Variants in PTGER3 observed in about 807,000 individuals in gnomAD.
PTGER3 encodes the protein prostaglandin E receptor 3, also known as prostaglandin E2 receptor EP3 subtype.
In PTGER3, 22 loss-of-function variants were observed where a neutral mutation model predicts 34.7. That is an observed-to-expected ratio of 0.63 (90% CI 0.45 to 0.91). The LOEUF is 0.91. Ranked by LOEUF, PTGER3 falls within the 40% of genes least tolerant of loss-of-function variation. PTGER3 has a pLI of 0.00. For missense variants in PTGER3, 468 were observed against 519.4 expected (o/e 0.90, Z 0.96); for synonymous variants, 241 against 230.1 (o/e 1.05, Z -0.43).
At chr1:70,925,315 T>C (rs982878048) in intron 4 of PTGER3, among the ~76,000 whole-genome samples, 2 of 152,204 alleles carry the variant, frequency 1.3e-5, no homozygotes, top group East Asian at 3.9e-4. Context: ...ACGCACTCAC[T>C]CTTAATATAA....
At chr1:71,025,631 G>A (rs1389034471) in intron 1 of PTGER3, among the ~76,000 whole-genome samples, 1 of 152,064 alleles carries the variant, frequency 6.6e-6, no homozygotes, top group Non-Finnish European at 1.5e-5. Flanking sequence ...AACTGAAGAC[G>A]AATAATAACA....
chr1:70,939,736 A>T (rs949520016), intron 4 of PTGER3, among the ~76,000 whole-genome samples: 4 of 152,210 alleles, frequency 2.6e-5, no homozygotes, highest in Non-Finnish European at 5.9e-5. Context: ...TGGCTGGGAC[A>T]CAGGACACCA....
At chr1:70,989,255 A>T (rs1401854652) in intron 2 of PTGER3, among the ~76,000 whole-genome samples, 1 of 152,174 alleles carries the variant, frequency 6.6e-6, no homozygotes, top group South Asian at 2.1e-4. Flanking sequence ...GGTTATAAGG[A>T]TAATGATAAC....
chr1:70,866,992 A>G (rs1646056304), intron 4 of PTGER3, among the ~76,000 whole-genome samples: 1 of 152,248 alleles, frequency 6.6e-6, no homozygotes, highest in African/African-American at 2.4e-5. Flanking sequence ...TGCTCAAAGC[A>G]TGTTATACAA....
intron 1 of PTGER3, among the ~76,000 whole-genome samples, chr1:71,036,107 C>G (rs1659795298): frequency 6.6e-6 from 1 of 152,162 alleles, no homozygotes; most frequent in Non-Finnish European, 1.5e-5. Flanking sequence ...ATTACTTATT[C>G]TGGTAAATTT....
At chr1:71,028,145 G>A (rs1437778947) in intron 1 of PTGER3, among the ~76,000 whole-genome samples, 1 of 152,114 alleles carries the variant, frequency 6.6e-6, no homozygotes, top group Non-Finnish European at 1.5e-5. Context: ...ATGTGCTTCA[G>A]GGCTGACCCC....
intron 2 of PTGER3, among the ~76,000 whole-genome samples, chr1:70,979,316 A>T (rs77047153): frequency 1.6e-4 from 24 of 151,956 alleles, no homozygotes; most frequent in Non-Finnish European, 2.9e-4. Context: ...AAAAAAAAAA[A>T]GCTGAGTGAA....
intron 4 of PTGER3, among the ~76,000 whole-genome samples, chr1:70,858,215 T>C (rs1447205242): frequency 6.6e-6 from 1 of 151,698 alleles, no homozygotes; most frequent in African/African-American, 2.4e-5. Flanking sequence ...TTTTTTTTTT[T>C]TTTGGTACAA....
intron 4 of PTGER3, among the ~76,000 whole-genome samples, chr1:70,907,105 A>C (rs1358004113): frequency 6.6e-6 from 1 of 152,190 alleles, no homozygotes; most frequent in African/African-American, 2.4e-5. Flanking sequence ...TAATGACCAA[A>C]TGTCACTCAC....
intron 1 of PTGER3, among the ~76,000 whole-genome samples, chr1:71,038,360 C>T (rs902359578): frequency 6.6e-6 from 1 of 152,114 alleles, no homozygotes; most frequent in African/African-American, 2.4e-5. Context: ...CCAACATGGC[C>T]TTTTGTTTTT....
chr1:71,011,698 T>C (rs1419375789), intron 2 of PTGER3: 1 of 974,998 alleles, frequency 1.0e-6, no homozygotes, highest in African/African-American at 1.8e-5. Flanking sequence ...ATTTGAATAA[T>C]GGTATCGATG....
At chr1:71,025,425 CATTT>C (rs1658840845) in intron 1 of PTGER3, among the ~76,000 whole-genome samples, 1 of 151,832 alleles carries the variant, frequency 6.6e-6, no homozygotes, top group South Asian at 2.1e-4. Context: ...TATCTAATAA[CATTT>C]ATTTAAAATA....
At chr1:70,993,400 GA>G (rs1332327026) in intron 2 of PTGER3, among the ~76,000 whole-genome samples, 1 of 152,196 alleles carries the variant, frequency 6.6e-6, no homozygotes, top group African/African-American at 2.4e-5. Flanking sequence ...AAAGCTAGAG[GA>G]ATCATGCTAT....
intron 4 of PTGER3, among the ~76,000 whole-genome samples, chr1:70,856,327 C>G (rs745448130): frequency 4.2e-4 from 64 of 151,260 alleles, no homozygotes; most frequent in Non-Finnish European, 7.4e-4. Flanking sequence ...GTAATCCCAG[C>G]TACTTGGGAG....
chr1:70,961,177 C>A (rs955060895), intron 2 of PTGER3, among the ~76,000 whole-genome samples: 1 of 152,236 alleles, frequency 6.6e-6, no homozygotes, highest in African/African-American at 2.4e-5. Flanking sequence ...TCCTCGGCCC[C>A]ATGCCAGACT....
intron 2 of PTGER3, among the ~76,000 whole-genome samples, chr1:70,981,832 G>C (rs921847178): frequency 6.6e-6 from 1 of 152,068 alleles, no homozygotes; most frequent in African/African-American, 2.4e-5. Context: ...TGATGAGTTT[G>C]GGTATCCAAC....
chr1:70,910,992 A>C (rs1330518060), intron 4 of PTGER3, among the ~76,000 whole-genome samples: 2 of 152,060 alleles, frequency 1.3e-5, no homozygotes, highest in African/African-American at 2.4e-5. Flanking sequence ...AGGGAGGAGA[A>C]TCGCTTGAAC....
chr1:70,907,039 C>A (rs1010208433), intron 4 of PTGER3, among the ~76,000 whole-genome samples: 10 of 152,236 alleles, frequency 6.6e-5, no homozygotes, highest in African/African-American at 2.4e-4. Context: ...CCTGTCTTAG[C>A]AAGTTGTATT....
At chr1:71,017,821 G>T (rs2100883343) in intron 1 of PTGER3, among the ~76,000 whole-genome samples, 1 of 152,288 alleles carries the variant, frequency 6.6e-6, no homozygotes, top group Non-Finnish European at 1.5e-5. Flanking sequence ...CTGGAATGCA[G>T]TGGTGCAATC....
Sources: allele counts gnomAD v4.1 joint callset (sites outside exome capture counted in the v4.1 genomes callset), GRCh38; gene constraint gnomAD v4.1.1; transcripts MANE v1.5; gene names NCBI Gene and HGNC (gene_info 2026-07-23, HGNC 2026-07-21).